Variants in CAPN14 observed in about 807,000 individuals in gnomAD.
The protein encoded by CAPN14 is calpain 14, also known as calpain-14.
A neutral mutation model predicts 101.3 loss-of-function variants in CAPN14; 94 were observed. The observed-to-expected ratio is 0.93, with a 90% CI of 0.79 to 1.10. The LOEUF (loss-of-function observed/expected upper bound fraction) is 1.10, where lower values mean the gene tolerates loss of function less well. Among genes scored for constraint, CAPN14 ranks in the 50% least tolerant of loss-of-function variants. CAPN14 has a pLI of 0.00. For synonymous variants in CAPN14, 338 were observed against 317.9 expected (o/e 1.06, Z -0.67); for missense variants, 837 against 828.4 (o/e 1.01, Z -0.13).
chr2:31,207,493 T>C (rs772337206), intron 1 of CAPN14, among the ~76,000 whole-genome samples: 1 of 152,144 alleles, frequency 6.6e-6, no homozygotes, highest in Non-Finnish European at 1.5e-5. Context: ...TCAGGTCAGG[T>C]GCAAGGGCTC....
chr2:31,202,432 T>C (rs750139611), intron 3 of CAPN14, among the ~76,000 whole-genome samples, 180 bp from the exon 4 acceptor site: 1 of 152,106 alleles, frequency 6.6e-6, no homozygotes, highest in Admixed American at 6.5e-5. Context: ...TTGGCTGAAA[T>C]CCAACTTGAC....
intron 1 of CAPN14, among the ~76,000 whole-genome samples, chr2:31,215,929 T>C (rs1468433756): frequency 1.3e-5 from 2 of 151,488 alleles, no homozygotes; most frequent in South Asian, 2.1e-4. Flanking sequence ...ATTCCATTCC[T>C]GGTTATTACC....
intron 1 of CAPN14, among the ~76,000 whole-genome samples, chr2:31,213,355 G>T (rs1682490877): frequency 6.6e-6 from 1 of 152,226 alleles, no homozygotes; most frequent in Non-Finnish European, 1.5e-5. Flanking sequence ...GATAAATAAA[G>T]TTTTACTGAA....
At chr2:31,181,114 G>A (rs946792299) in intron 16 of CAPN14, 114 bp from the exon 17 acceptor site, 15 of 777,516 alleles carry the variant, frequency 1.9e-5, no homozygotes, top group African/African-American at 6.9e-5. Flanking sequence ...ATGTATGTAC[G>A]TGGGCTGGGA....
chr2:31,223,542 C>CTTTTTTTTTTTTT (rs35488335), intron 2 of CAPN14, among the ~76,000 whole-genome samples: 1 of 132,078 alleles, frequency 7.6e-6, no homozygotes, highest in Non-Finnish European at 1.6e-5. Context: ...TTTTTCTTTT[C>CTTTTTTTTTTTTT]TTTTTTTTTT....
At chr2:31,232,153 C>T (rs912458489) in intron 1 of CAPN14, among the ~76,000 whole-genome samples, 1 of 152,188 alleles carries the variant, frequency 6.6e-6, no homozygotes, top group Non-Finnish European at 1.5e-5. Context: ...AAACGCAACA[C>T]GTTTTAGATT....
At chr2:31,229,024 C>T (rs1474343987) in intron 1 of CAPN14, among the ~76,000 whole-genome samples, 6 of 152,194 alleles carry the variant, frequency 3.9e-5, no homozygotes, top group South Asian at 2.1e-4. Context: ...CAAGAAAAGT[C>T]GAGTTCCAGG....
Position 31,226,314 on chromosome 2 carries a change from A to G in CAPN14, c.-53+214T>C. On this transcript the variant is annotated intron_variant and NMD_transcript_variant, in intron 2 of 21. Transcript: ENST00000398824. ...TGCTCACAGACATTTTTGTAGTCAT[A>G]GACTTATCTGTTATAACATATAAGG... is the stretch of plus-strand genomic sequence containing the variant. Among the ~76,000 whole-genome samples the G allele has an allele frequency of 1.3e-5, 2 of 152,208 alleles. 1 individual carries two copies. Among genetic ancestry groups the G allele is most frequent in the Non-Finnish European group, 2.9e-5 (2 of 68,040 alleles).
At position 31,173,772 on chromosome 2, in the gene CAPN14, T is replaced by C. The variant is rs890864147; in HGVS notation, c.*909A>G. On this transcript the variant is annotated 3_prime_UTR_variant, in exon 22 of 22. Transcript: ENST00000403897. ...CATAGACTTTGGAAAAAGGCCATTGTTCTGGTTTTGCACCTGTATTCTTGG... is the reference window on the plus strand; with the variant it reads ...CATAGACTTTGGAAAAAGGCCATTGCTCTGGTTTTGCACCTGTATTCTTGG... 6.6e-6 allele frequency: 1 copy of C among 152,198 alleles called. No individual in the cohort carries two copies. The highest frequency in any genetic ancestry group is 1.5e-5 in the Non-Finnish European group (1 of 68,036). 9.4% of individuals were successfully genotyped at this position (152,198 alleles called of 1,614,324 possible).
At chr2:31,223,666 C>T (rs921623024) in intron 2 of CAPN14, among the ~76,000 whole-genome samples, 5 of 151,206 alleles carry the variant, frequency 3.3e-5, no homozygotes, top group Admixed American at 6.6e-5. Context: ...GTAGCTGGGA[C>T]TACAGACGCC....
rs910158060 is a variant in CAPN14 at position 31,229,116 on chromosome 2, T to C, written c.-176-2465A>G. On this transcript the variant is annotated intron_variant and NMD_transcript_variant, in intron 1 of 21. Transcript: ENST00000398824. ...AACAATATGTTCTTTTGGCTTGCAT[T>C]TGTGTATAACCGTAATTAAAAAGCA... is the stretch of plus-strand genomic sequence containing the variant. Among the ~76,000 whole-genome samples the C allele has an allele frequency of 2.6e-5, 4 of 152,306 alleles. No individual in the cohort carries two copies. The South Asian group carries it at 8.3e-4, about 32-fold the overall frequency.
chr2:31,186,583 T>C (rs1311443539), intron 15 of CAPN14, 98 bp from the exon 16 acceptor site: 5 of 893,026 alleles, frequency 5.6e-6, no homozygotes, highest in Non-Finnish European at 8.4e-6. Flanking sequence ...TAAACTGGGA[T>C]TTCCTAAGAA....
At position 31,202,193 on chromosome 2, in the gene CAPN14, G is replaced by A. The variant is rs182812741; in HGVS notation, c.355C>T (p.Arg119Trp). 6.6e-5 allele frequency: 102 copies of A among 1,551,744 alleles called. No homozygotes were observed. Among genetic ancestry groups the A allele is most frequent in the African/African-American group, 5.7e-4 (42 of 73,134 alleles). Reference sequence around the variant, plus strand: ...AAACTCTGATTCAGGGGAACAACCCGGCTCAGGATGTCCTGGTGCAAGGCC... The same window carrying A: ...AAACTCTGATTCAGGGGAACAACCCAGCTCAGGATGTCCTGGTGCAAGGCC... The part of the protein sequence containing the change: ...ALALHQDILS[R>W]VVPLNQSFTE... Residue 119 changes from arginine (R) to tryptophan (W), a missense_variant, in exon 4 of 22, where the codon CGG (arginine) becomes TGG (tryptophan). By Grantham distance (101) the Arg-to-Trp change is moderately radical (BLOSUM62 -3). Transcript: ENST00000403897.
chr2:31,214,872 A>T (rs922277975), intron 1 of CAPN14, among the ~76,000 whole-genome samples: 1 of 152,160 alleles, frequency 6.6e-6, no homozygotes, highest in Non-Finnish European at 1.5e-5. Context: ...GGCTAGAAGG[A>T]ACTTAGTGGT....
At chr2:31,207,154 G>T (rs958581045) in intron 1 of CAPN14, among the ~76,000 whole-genome samples, 5 of 151,956 alleles carry the variant, frequency 3.3e-5, no homozygotes, top group Non-Finnish European at 7.4e-5. Flanking sequence ...TGCTTATACT[G>T]AGTGTGACTT....
chr2:31,205,248 G>A lies in CAPN14; in HGVS notation c.200C>T (p.Pro67Leu). 1 of 1,549,774 alleles carries A rather than the reference G, an allele frequency of 6.5e-7. No homozygotes were observed. Among genetic ancestry groups the A allele is most frequent in the South Asian group, 1.2e-5 (1 of 83,960 alleles). The change falls in exon 2 of 22, where the codon CCC becomes CTC. Residue 67 changes from proline to leucine, a missense_variant. Physicochemically the swap from Pro to Leu is moderately conservative, Grantham distance 98 (BLOSUM62 -3). Coordinates refer to ENST00000403897, the MANE Select transcript of CAPN14 (RefSeq NM_001145122.2). ...GSGSLLQKLP[P>L]RLQWKRPPEL... ...CGGGGGCCTCTTCCACTGCAGGCGG[G>A]GTGGCAGCTTCTGCAGCAGGGAGCC...
In CAPN14 at chr2:31,176,602, GTA is replaced by G. The variant is rs1234477926; in HGVS notation, c.2011_2012del (p.Tyr671ProfsTer24). On this transcript the variant is annotated frameshift_variant, in exon 21 of 22. Transcript: ENST00000403897. LOFTEE classifies it high-confidence loss of function. ...CAAGTCTTACCTCTGGCTTCTGGAG[GTA>G]TATCCCTTTGCCATCTTGGGTTAAG... The part of the protein sequence containing the change: ...QNLTQDGKGI[Y>X]LQKPEWMMMA... 1.3e-6 allele frequency: 2 copies of G among 1,551,690 alleles called. No homozygotes were observed. Among genetic ancestry groups the G allele is most frequent in the Non-Finnish European group, 1.7e-6 (2 of 1,146,956 alleles).
upstream of CAPN14, among the ~76,000 whole-genome samples, chr2:31,219,005 A>T (rs953177004): frequency 6.6e-6 from 1 of 151,782 alleles, no homozygotes; most frequent in Non-Finnish European, 1.5e-5. Flanking sequence ...TTTCATTTTC[A>T]TCTCCTCATC....
rs1213916157 is a variant in CAPN14 at position 31,178,516 on chromosome 2, A to G, written c.1774T>C (p.Ser592Pro). 12 of 1,550,594 alleles carry G rather than the reference A, an allele frequency of 7.7e-6. No homozygotes were observed. In the Admixed American group the frequency reaches 9.8e-5, roughly 13 times the overall value. ...FRDLWKQLKLSQKVFHKQDRG... is the reference protein window; with the variant it reads ...FRDLWKQLKLPQKVFHKQDRG... ...TGGTTAAGACTTGTTCTTACCTGAG[A>G]GAGCTTCAGCTGCTTCCACAGGTCC... Residue 592 changes from serine to proline, a missense_variant, in exon 18 of 22, where the codon TCT becomes CCT. By Grantham distance (74) the Ser-to-Pro change is moderately conservative. Coordinates refer to ENST00000403897, the MANE Select transcript of CAPN14 (RefSeq NM_001145122.2).
Sources: gnomAD v4.1 joint callset for allele counts (sites outside exome capture counted in the v4.1 genomes callset) on GRCh38, gnomAD v4.1.1 for gene constraint, MANE v1.5 for transcripts, NCBI Gene and HGNC (gene_info 2026-07-23, HGNC 2026-07-21) for gene names.